Variants in MTFMT observed in about 807,000 individuals in gnomAD.
The protein encoded by MTFMT is methionyl-tRNA formyltransferase, mitochondrial.
Under a neutral mutation model 51.8 loss-of-function variants are expected in MTFMT, and 47 were observed. That is an observed-to-expected ratio of 0.91 (90% CI 0.72 to 1.16). The LOEUF is 1.16. Ranked by LOEUF, MTFMT falls within the 50% of genes most tolerant of loss-of-function variation. MTFMT has a pLI of 0.00. For synonymous variants in MTFMT, 196 were observed against 176.7 expected (o/e 1.11, Z -0.87); for missense variants, 512 against 482.3 (o/e 1.06, Z -0.58).
intron 5 of MTFMT, among the ~76,000 whole-genome samples, chr15:65,018,468 G>A (rs1006413087): frequency 4.6e-5 from 7 of 152,086 alleles, no homozygotes; most frequent in African/African-American, 1.4e-4. Flanking sequence ...TGATAAATTT[G>A]AATCATAAAC....
chr15:65,029,599 C>A lies in MTFMT; in HGVS notation c.15G>T (p.Val5=), dbSNP rs763865947. 7 of 1,430,574 alleles carry A rather than the reference C, an allele frequency of 4.9e-6. No individual in the cohort carries two copies. The highest frequency in any genetic ancestry group is 2.3e-4 in the Middle Eastern group (1 of 4,350). The allele number at this position is 1,430,574 out of a possible 1,614,324, so 88.6% of individuals were successfully genotyped here. ...CCAGCGGAGGACCCCAACAGCGCCG[C>A]ACCAACACCCTCATCGCCTCGGCCG... MRVL[V]RRCWGPPLAH... Residue 5 remains valine, a synonymous_variant, in exon 1 of 9, where the codon GTG becomes GTT. Transcript: ENST00000220058.
intron 5 of MTFMT, among the ~76,000 whole-genome samples, chr15:65,018,400 T>TA (rs2086342069): frequency 6.6e-6 from 1 of 152,068 alleles, no homozygotes; most frequent in South Asian, 2.1e-4. Context: ...GAATAGCAAA[T>TA]AAATAGGTTA....
At chr15:65,018,008 C>A (rs1333563354) in intron 5 of MTFMT, among the ~76,000 whole-genome samples, 1 of 151,882 alleles carries the variant, frequency 6.6e-6, no homozygotes. Context: ...AAAATGTTAC[C>A]TATAGAGGGA....
chr15:65,029,136 A>T, intron 1 of MTFMT: 1 of 388,520 alleles, frequency 2.6e-6, no homozygotes, highest in Non-Finnish European at 3.5e-6. Flanking sequence ...GCCCAGCCCC[A>T]GCTCGGCACA....
At chr15:65,006,238 C>T in intron 6 of MTFMT, 47 bp from the exon 7 acceptor site, 1 of 1,458,190 alleles carries the variant, frequency 6.9e-7, no homozygotes, top group Non-Finnish European at 9.6e-7. Context: ...ACACTCAACT[C>T]CCAAACCCTT....
chr15:65,027,314 C>T (rs1230958135), intron 1 of MTFMT, among the ~76,000 whole-genome samples: 1 of 151,798 alleles, frequency 6.6e-6, no homozygotes, highest in Non-Finnish European at 1.5e-5. Flanking sequence ...TATCCTGCCT[C>T]AGTCTCCCGA....
At chr15:65,004,706 A>G (rs1458254979) in intron 8 of MTFMT, 148 bp downstream of exon 8, 1 of 436,450 alleles carries the variant, frequency 2.3e-6, no homozygotes, top group Non-Finnish European at 4.0e-6. Flanking sequence ...TATGCTAGAG[A>G]CTTCACTATT....
At chr15:65,016,018 C>A (rs922718175) in intron 6 of MTFMT, 1 of 152,906 alleles carries the variant, frequency 6.5e-6, no homozygotes, top group African/African-American at 2.4e-5. Context: ...ATGTAGAAAT[C>A]AATGATTTAA....
At chr15:65,017,901 G>C (rs751163003) in intron 5 of MTFMT, among the ~76,000 whole-genome samples, 3 of 152,122 alleles carry the variant, frequency 2.0e-5, no homozygotes, top group Non-Finnish European at 2.9e-5. Flanking sequence ...TGTATTTTAT[G>C]CCACCTTTTG....
In MTFMT at chr15:65,006,182, G is replaced by A; in HGVS notation, c.823C>T (p.Gln275Ter). Residue 275 changes from glutamine to a stop codon, truncating the protein, a stop_gained, in exon 7 of 9, where the codon CAG (glutamine) becomes TAG (stop). Coordinates refer to ENST00000220058, the MANE Select transcript of MTFMT (RefSeq NM_139242.4). LOFTEE classifies it high-confidence loss of function. ...YRAIGNIIPLQTLWMANTIKL... is the reference protein window; with the variant it reads ...YRAIGNIIPL The stretch of plus-strand genomic sequence containing the variant: ...ATGGTATTCGCCATCCAGAGCGTCT[G>A]CAACGGAATCTGCAAGTAAAATTAA... 1 of 1,611,690 alleles carries A rather than the reference G, an allele frequency of 6.2e-7. No homozygotes were observed. The highest frequency in any genetic ancestry group is 8.5e-7 in the Non-Finnish European group (1 of 1,178,642).
chr15:65,020,767 T>C (rs903834717), intron 4 of MTFMT, among the ~76,000 whole-genome samples: 6 of 152,202 alleles, frequency 3.9e-5, no homozygotes, highest in African/African-American at 1.4e-4. Context: ...GCCTTCAATG[T>C]CATCATCTGT....
At chr15:65,014,498 G>C (rs2086299666) in intron 6 of MTFMT, among the ~76,000 whole-genome samples, 1 of 151,540 alleles carries the variant, frequency 6.6e-6, no homozygotes, top group South Asian at 2.1e-4. Context: ...TAATTTTTTT[G>C]TATTTTTAGT....
intron 3 of MTFMT, 53 bp from the exon 4 acceptor site, chr15:65,021,669 A>G (rs2086375184): frequency 7.3e-7 from 1 of 1,363,908 alleles, no homozygotes; most frequent in Admixed American, 1.8e-5. Context: ...TCCTGAATCA[A>G]TGTTTGTCTA....
chr15:65,029,477 G>A lies in MTFMT; in HGVS notation c.137C>T (p.Pro46Leu). The A allele has an allele frequency of 6.5e-7, 1 of 1,534,058 alleles. No homozygotes were observed. Reference sequence around the variant, plus strand: ...GCCGAAGAAGAGCACCCGCCAGGGAGGCTTCTCGCGGACTCTGGAGTCCCG... The same window carrying A: ...GCCGAAGAAGAGCACCCGCCAGGGAAGCTTCTCGCGGACTCTGGAGTCCCG... ...DCRDSRVREKPPWRVLFFGTD... is the reference protein window; with the variant it reads ...DCRDSRVREKLPWRVLFFGTD... The change falls in exon 1 of 9, where the codon CCT becomes CTT. Residue 46 changes from proline to leucine, a missense_variant. Transcript: ENST00000220058.
In MTFMT at chr15:65,023,773, G is replaced by C. The variant is rs1292111171; in HGVS notation, c.441C>G (p.Pro147=). 4 of 1,612,078 alleles carry C rather than the reference G, an allele frequency of 2.5e-6. No homozygotes were observed. In the East Asian group the frequency reaches 8.9e-5, roughly 36 times the overall value. ...KFPYGILNVH[P]SCLPRWRGPA... is the part of the protein sequence containing the mutation. ...GGCCACGCCATCTCGGGAGGCAACT[G>C]GGATGAACATTCAATATGCCACTGA... The change falls in exon 3 of 9, where the codon CCC becomes CCG. Residue 147 remains proline, a synonymous_variant. Transcript: ENST00000220058.
chr15:65,008,595 C>G (rs911945221), intron 6 of MTFMT, among the ~76,000 whole-genome samples: 15 of 152,154 alleles, frequency 9.9e-5, no homozygotes, highest in African/African-American at 3.6e-4. Context: ...CAGTGCAGTG[C>G]TCTTTTTATG....
chr15:65,007,436 G>A (rs895214255), intron 6 of MTFMT, among the ~76,000 whole-genome samples: 9 of 152,118 alleles, frequency 5.9e-5, no homozygotes, highest in Non-Finnish European at 5.9e-5. Flanking sequence ...CCCATTTTAT[G>A]AATATGTAAT....
rs1209712181 is a variant in MTFMT, at chr15:65,029,614, C to T, written c.-1G>A. ...AACAGCGCCGCACCAACACCCTCAT[C>T]GCCTCGGCCGCCGGCGGCCGGCCCT... On this transcript the variant is annotated 5_prime_UTR_variant, in exon 1 of 9. Transcript: ENST00000220058. 9.4e-6 allele frequency: 13 copies of T among 1,387,906 alleles called. No individual in the cohort carries two copies. Among genetic ancestry groups the T allele is most frequent in the Non-Finnish European group, 1.2e-5 (13 of 1,067,354 alleles). The allele number at this position is 1,387,906 out of a possible 1,614,324, so 86.0% of individuals were successfully genotyped here.
chr15:65,003,177 G>A lies in MTFMT; in HGVS notation c.1055C>T (p.Pro352Leu). The A allele has an allele frequency of 6.2e-7, 1 of 1,613,630 alleles. No homozygotes were observed. The highest frequency in any genetic ancestry group is 8.5e-7 in the Non-Finnish European group (1 of 1,179,720). ...AGCTTGGGAATTTTTCTGGTACCAG[G>A]GGTGCAAATATCCATTGTAGAAGTC... ...ATDFYNGYLH[P>L]WYQKNSQAQP... Residue 352 changes from proline to leucine, a missense_variant, in exon 9 of 9, where the codon CCC becomes CTC. Coordinates refer to ENST00000220058, the MANE Select transcript of MTFMT (RefSeq NM_139242.4).
Sources: gnomAD v4.1 joint callset for allele counts (sites outside exome capture counted in the v4.1 genomes callset) on GRCh38, gnomAD v4.1.1 for gene constraint, MANE v1.5 for transcripts, NCBI Gene and HGNC (gene_info 2026-07-23, HGNC 2026-07-21) for gene names.